ALDH1L1: variants seen among roughly 807,000 people sequenced by gnomAD.
ALDH1L1 encodes the protein aldehyde dehydrogenase 1 family member L1, also known as cytosolic 10-formyltetrahydrofolate dehydrogenase.
In ALDH1L1, 68 loss-of-function variants were observed where a neutral mutation model predicts 101.1. The ratio of observed to expected loss-of-function variants is 0.67; its 90% CI spans 0.55 to 0.82. The LOEUF (loss-of-function observed/expected upper bound fraction) is 0.82, where lower values mean the gene tolerates loss of function less well. ALDH1L1 is among the 40% of genes least tolerant of loss of function. ALDH1L1 has a pLI of 0.00. For missense variants in ALDH1L1, 1,087 were observed against 1,172.7 expected (o/e 0.93, Z 1.07); for synonymous variants, 486 against 470.8 (o/e 1.03, Z -0.42).
chr3:126,119,688 T>A (rs1399970165), intron 16 of ALDH1L1, among the ~76,000 whole-genome samples: 1 of 152,210 alleles, frequency 6.6e-6, no homozygotes, highest in Non-Finnish European at 1.5e-5. Flanking sequence ...CCACTCCCCA[T>A]TAAATCACTG....
rs747513148 is a variant in ALDH1L1 at position 126,112,870 on chromosome 3, G to A, written c.2093C>T (p.Ser698Phe). 6.2e-6 allele frequency: 10 copies of A among 1,613,316 alleles called. No individual in the cohort carries two copies. Among genetic ancestry groups the A allele is most frequent in the South Asian group, 2.2e-5 (2 of 91,086 alleles). ...LNKAVQMGMSSVFFNKGENCI... is the reference protein window; with the variant it reads ...LNKAVQMGMSFVFFNKGENCI... ...ATTCTCTCCTTTGTTGAAGAAAACAGAACTCATCCCCTTCAGAGAATGGAC... is the reference window on the plus strand; with the variant it reads ...ATTCTCTCCTTTGTTGAAGAAAACAAAACTCATCCCCTTCAGAGAATGGAC... Residue 698 changes from serine (S) to phenylalanine (F), a missense_variant, in exon 19 of 23, where the codon TCT becomes TTT. This residue lies in a region of ALDH1L1 where 442 missense variants were observed against 535.7 expected (regional missense o/e 0.83). Coordinates refer to ENST00000393434, the MANE Select transcript of ALDH1L1 (RefSeq NM_012190.4).
At chr3:126,139,394 C>T (rs144330929) in intron 9 of ALDH1L1, among the ~76,000 whole-genome samples, 63 of 152,230 alleles carry the variant, frequency 4.1e-4, no homozygotes, top group African/African-American at 1.5e-3. Context: ...TTCTAGCCCT[C>T]AACAAGGAAG....
intron 17 of ALDH1L1, among the ~76,000 whole-genome samples, chr3:126,117,714 CT>C (rs2079999155): frequency 6.6e-6 from 1 of 152,012 alleles, no homozygotes; most frequent in Admixed American, 6.6e-5. Flanking sequence ...AGCTATTTCA[CT>C]TTTTTGTGGG....
At chr3:126,186,810 T>C (rs1868121) in intron 1 of ALDH1L1, among the ~76,000 whole-genome samples, 107,724 of 152,066 alleles carry the variant, frequency 0.71, 39,498 homozygotes, top group African/African-American at 0.92. Flanking sequence ...GTCCAGTCAG[T>C]GGAGAGCCCA....
chr3:126,145,255 T>C (rs1371621506), intron 9 of ALDH1L1, among the ~76,000 whole-genome samples: 1 of 152,184 alleles, frequency 6.6e-6, no homozygotes, highest in Non-Finnish European at 1.5e-5. Flanking sequence ...TGTGCACTGT[T>C]GGTGGGAATG....
At chr3:126,179,107 C>T (rs1463128804) in intron 1 of ALDH1L1, among the ~76,000 whole-genome samples, 4 of 152,132 alleles carry the variant, frequency 2.6e-5, no homozygotes, top group Non-Finnish European at 5.9e-5. Flanking sequence ...AGAGCAGGGG[C>T]CTGCAGTGAA....
At chr3:126,171,257 C>T (rs1188676115) in intron 1 of ALDH1L1, among the ~76,000 whole-genome samples, 3 of 152,186 alleles carry the variant, frequency 2.0e-5, no homozygotes, top group Non-Finnish European at 4.4e-5. Flanking sequence ...GAGATGGCGC[C>T]ACTGCACTCC....
intron 19 of ALDH1L1, among the ~76,000 whole-genome samples, chr3:126,112,284 A>C (rs1400027582): frequency 6.6e-6 from 1 of 152,132 alleles, no homozygotes; most frequent in African/African-American, 2.4e-5. Context: ...CTGGCGGCCC[A>C]CAGCCAAGCC....
intron 1 of ALDH1L1, among the ~76,000 whole-genome samples, chr3:126,188,975 C>T (rs910709122): frequency 2.6e-5 from 4 of 152,012 alleles, no homozygotes; most frequent in Non-Finnish European, 4.4e-5. Flanking sequence ...GTACAGTACC[C>T]GACGTATTTA....
chr3:126,187,492 G>C (rs911824607), intron 1 of ALDH1L1, among the ~76,000 whole-genome samples: 2 of 152,118 alleles, frequency 1.3e-5, no homozygotes, highest in African/African-American at 2.4e-5. Context: ...AGGGAAGCTC[G>C]AGCAGTCCTT....
At chr3:126,179,784 C>G in intron 1 of ALDH1L1, 1 of 152,234 alleles carries the variant, frequency 6.6e-6, no homozygotes, top group Non-Finnish European at 1.5e-5. Flanking sequence ...TCTGTCTGCA[C>G]TTTGGGAAGA....
Position 126,137,876 on chromosome 3 carries a change from G to T in ALDH1L1, c.1161C>A (p.Phe387Leu). 6.2e-7 allele frequency: 1 copy of T among 1,614,182 alleles called. No individual in the cohort carries two copies. Among genetic ancestry groups the T allele is most frequent in the South Asian group, 1.1e-5 (1 of 91,074 alleles). Residue 387 changes from phenylalanine (F) to leucine (L), a missense_variant, in exon 10 of 23, where the codon TTC becomes TTA. Physicochemically the swap from Phe to Leu is conservative, Grantham distance 22. Around this residue, in one of 2 missense-constraint regions of ALDH1L1, gnomAD observed 645 missense variants for 637.0 expected, o/e 1.01. Transcript: ENST00000393434. ...GCAGCTTCCTCACTAACAGCTGGAT[G>T]AAGTCCCCAAAGGTGGATGCCATGT... is the stretch of plus-strand genomic sequence containing the variant. ...DVYMASTFGD[F>L]IQLLVRKLRG...
chr3:126,181,182 G>C (rs2081470430), upstream of ALDH1L1: 1 of 635,626 alleles, frequency 1.6e-6, no homozygotes, highest in South Asian at 1.9e-5. Context: ...TCCTGGTGCC[G>C]CAGACCCCTC....
chr3:126,155,233 C>T (rs938023322), intron 5 of ALDH1L1, among the ~76,000 whole-genome samples, 169 bp downstream of exon 5: 4 of 152,160 alleles, frequency 2.6e-5, no homozygotes, highest in Admixed American at 2.6e-4. Context: ...CAGGGTCCTC[C>T]TCCTCCACGG....
chr3:126,133,656 C>T (rs2080360099), intron 12 of ALDH1L1, among the ~76,000 whole-genome samples: 1 of 152,206 alleles, frequency 6.6e-6, no homozygotes, highest in Admixed American at 6.5e-5. Context: ...GAATTCACAC[C>T]CTGGCACCCA....
Position 126,125,701 on chromosome 3 carries a change from GGGAT to G in ALDH1L1, c.1711_1714del (p.Ile571ProfsTer6). On this transcript the variant is annotated frameshift_variant, in exon 15 of 23. Transcript: ENST00000393434. LOFTEE classifies it high-confidence loss of function. ...CAGCATCATCAGGGGATAGTTCCAG[GGGAT>G]GATGATGCCACAAACCCTGCCACAC... 1 of 1,580,448 alleles carries G rather than the reference GGGAT, an allele frequency of 6.3e-7. No homozygotes were observed. The highest frequency in any genetic ancestry group is 8.6e-7 in the Non-Finnish European group (1 of 1,161,886).
upstream of ALDH1L1, among the ~76,000 whole-genome samples, chr3:126,183,903 G>A (rs570115779): frequency 3.9e-5 from 6 of 152,322 alleles, no homozygotes; most frequent in East Asian, 1.2e-3. Flanking sequence ...TTGAGGGGAT[G>A]TTTGGAGGGC....
At chr3:126,143,611 A>T (rs989469964) in intron 9 of ALDH1L1, among the ~76,000 whole-genome samples, 1 of 152,224 alleles carries the variant, frequency 6.6e-6, no homozygotes, top group Non-Finnish European at 1.5e-5. Context: ...CAAATTGTGA[A>T]GGAAGAAGTT....
chr3:126,103,895 C>T (rs770454485), intron 22 of ALDH1L1, 49 bp from the exon 23 acceptor site: 51 of 1,589,148 alleles, frequency 3.2e-5, no homozygotes, highest in Non-Finnish European at 4.1e-5. Context: ...AGGCAGGGCA[C>T]TGCTCGGGGC....
Sources: gnomAD v4.1 joint callset for allele counts (sites outside exome capture counted in the v4.1 genomes callset) on GRCh38, gnomAD v4.1.1 for gene constraint, gnomAD v4.1.1 regional missense constraint, MANE v1.5 for transcripts, NCBI Gene and HGNC (gene_info 2026-07-23, HGNC 2026-07-21) for gene names.